TRIM23: variants seen among roughly 807,000 people sequenced by gnomAD.
TRIM23 encodes the protein E3 ubiquitin-protein ligase TRIM23.
In TRIM23, 27 loss-of-function variants were observed where a neutral mutation model predicts 71.0. That is an observed-to-expected ratio of 0.38 (90% CI 0.28 to 0.52). TRIM23 has a LOEUF of 0.52. TRIM23 is among the 20% of genes least tolerant of loss of function. The pLI is 0.84. For synonymous variants in TRIM23, 234 were observed against 238.0 expected, an observed-to-expected ratio of 0.98 and a Z score of 0.16; for missense variants, 482 against 692.3, an observed-to-expected ratio of 0.70 and a Z score of 3.41.
intron 7 of TRIM23, among the ~76,000 whole-genome samples, chr5:65,602,029 C>A (rs528435403): frequency 2.6e-5 from 4 of 152,210 alleles, no homozygotes; most frequent in Non-Finnish European, 5.9e-5. Flanking sequence ...GAGACATTTT[C>A]CCCTTGGTCT....
chr5:65,621,170 G>A (rs1217445169), intron 1 of TRIM23, among the ~76,000 whole-genome samples: 1 of 152,184 alleles, frequency 6.6e-6, no homozygotes, highest in African/African-American at 2.4e-5. Flanking sequence ...GGCTAACGTG[G>A]TGAAATCCCA....
chr5:65,603,684 T>C (rs1411284072), intron 7 of TRIM23, among the ~76,000 whole-genome samples: 1 of 151,896 alleles, frequency 6.6e-6, no homozygotes, highest in Non-Finnish European at 1.5e-5. Context: ...TGTGAAAACA[T>C]AATTAAATTA....
At chr5:65,621,345 C>G (rs1754940513) in intron 1 of TRIM23, among the ~76,000 whole-genome samples, 2 of 152,130 alleles carry the variant, frequency 1.3e-5, no homozygotes, top group South Asian at 4.1e-4. Flanking sequence ...GAGTGAGGCT[C>G]TGTCTCAAAA....
chr5:65,596,604 C>T (rs1754212828), intron 8 of TRIM23, 73 bp from the exon 9 acceptor site: 1 of 897,870 alleles, frequency 1.1e-6, no homozygotes, highest in African/African-American at 1.7e-5. Context: ...CACAGACAAC[C>T]CCCAGTTTAT....
At chr5:65,610,322 T>C (rs1441673213) in intron 5 of TRIM23, among the ~76,000 whole-genome samples, 1 of 152,232 alleles carries the variant, frequency 6.6e-6, no homozygotes. Context: ...GGCTCATCAC[T>C]GTCCTTAAAC....
At chr5:65,605,954 T>C (rs1266422012) in intron 6 of TRIM23, among the ~76,000 whole-genome samples, 1 of 152,246 alleles carries the variant, frequency 6.6e-6, no homozygotes, top group Non-Finnish European at 1.5e-5. Flanking sequence ...TGGGCACTTC[T>C]AATCCCCATT....
intron 7 of TRIM23, among the ~76,000 whole-genome samples, chr5:65,603,476 A>G (rs1041108311): frequency 8.5e-5 from 13 of 152,206 alleles, no homozygotes; most frequent in African/African-American, 3.1e-4. Flanking sequence ...TTTAAATCCA[A>G]GTGGTGTGCA....
chr5:65,620,466 T>C (rs963991172), intron 1 of TRIM23, among the ~76,000 whole-genome samples: 5 of 152,168 alleles, frequency 3.3e-5, no homozygotes, highest in Non-Finnish European at 5.9e-5. Flanking sequence ...TAAAACTATA[T>C]AGGATAGTGA....
chr5:65,597,672 G>A (rs1272431337), intron 7 of TRIM23, among the ~76,000 whole-genome samples: 1 of 152,016 alleles, frequency 6.6e-6, no homozygotes, highest in Non-Finnish European at 1.5e-5. Context: ...TCACTCAACA[G>A]TATATTATGG....
rs1268682514 is a variant in TRIM23 at position 65,590,344 on chromosome 5, T to C, written c.*1425A>G. On this transcript the variant is annotated 3_prime_UTR_variant, in exon 11 of 11. Transcript: ENST00000231524. Reference sequence around the variant, plus strand: ...GAAATATTACATTTATTTATTTACATATTGCCCATAATACTGATAGGCTTT... The same window carrying C: ...GAAATATTACATTTATTTATTTACACATTGCCCATAATACTGATAGGCTTT... The C allele has an allele frequency of 2.0e-6, 3 of 1,468,650 alleles. No homozygotes were observed. The highest frequency in any genetic ancestry group is 1.9e-6 in the Non-Finnish European group (2 of 1,077,224). The allele number at this position is 1,468,650 out of a possible 1,614,324, so 91.0% of individuals were successfully genotyped here.
At chr5:65,610,541 T>C (rs1219837426) in intron 5 of TRIM23, among the ~76,000 whole-genome samples, 1 of 152,240 alleles carries the variant, frequency 6.6e-6, no homozygotes, top group African/African-American at 2.4e-5. Flanking sequence ...CCCGTTCTGC[T>C]CTTTTCCCTG....
chr5:65,611,944 A>G, intron 3 of TRIM23, 63 bp from the exon 4 acceptor site: 1 of 1,466,848 alleles, frequency 6.8e-7, no homozygotes. Flanking sequence ...ACGAATTTTT[A>G]AATATAGAAT....
intron 10 of TRIM23, among the ~76,000 whole-genome samples, chr5:65,594,030 G>A (rs540276317): frequency 1.3e-5 from 2 of 152,132 alleles, no homozygotes; most frequent in Non-Finnish European, 2.9e-5. Flanking sequence ...GGCCTTGTCT[G>A]TTATTCTAAA....
chr5:65,622,956 G>A (rs1581195431), intron 1 of TRIM23, among the ~76,000 whole-genome samples: 1 of 152,270 alleles, frequency 6.6e-6, no homozygotes, highest in East Asian at 1.9e-4. Context: ...TCTCTACTTA[G>A]CAAAAGCACA....
Position 65,623,766 on chromosome 5 carries a change from G to A in TRIM23, c.81+428C>T, listed in dbSNP as rs1282654578. ...CCACACACTGTTTACCTAAACCTGGGTTTCCTCCCTGTAAAATGGGAATTC... is the reference window on the plus strand; with the variant it reads ...CCACACACTGTTTACCTAAACCTGGATTTCCTCCCTGTAAAATGGGAATTC... On this transcript the variant is annotated intron_variant, in intron 1 of 10. Transcript: ENST00000231524. Among the ~76,000 whole-genome samples the A allele has an allele frequency of 2.0e-5, 3 of 152,150 alleles. No homozygotes were observed. The East Asian group carries it at 5.8e-4, about 29-fold the overall frequency.
At chr5:65,591,981 C>T (rs1273231219) in intron 10 of TRIM23, 33 bp from the exon 11 acceptor site, 10 of 1,538,880 alleles carry the variant, frequency 6.5e-6, no homozygotes, top group Non-Finnish European at 7.9e-6. Context: ...TTTTATCAGT[C>T]CATCCAAATT....
chr5:65,606,827 T>C (rs1202480374), intron 6 of TRIM23: 2 of 152,248 alleles, frequency 1.3e-5, no homozygotes, highest in Non-Finnish European at 2.9e-5. Context: ...GCAGAATTCT[T>C]TTTTGATTAG....
At chr5:65,616,410 C>T (rs1396715272) in intron 2 of TRIM23, among the ~76,000 whole-genome samples, 1 of 151,888 alleles carries the variant, frequency 6.6e-6, no homozygotes, top group Non-Finnish European at 1.5e-5. Flanking sequence ...CTTTGGGAGG[C>T]TGAGGTGGAT....
At chr5:65,596,366 C>T in intron 9 of TRIM23, 55 bp downstream of exon 9, 1 of 1,273,232 alleles carries the variant, frequency 7.9e-7, no homozygotes, top group South Asian at 1.2e-5. Context: ...AATCAGTACA[C>T]TGAAAACTGT....
Sources: allele counts gnomAD v4.1 joint callset (sites outside exome capture counted in the v4.1 genomes callset), GRCh38; gene constraint gnomAD v4.1.1; transcripts MANE v1.5; gene names NCBI Gene and HGNC (gene_info 2026-07-23, HGNC 2026-07-21).